The following PCDHA4 variants were observed in gnomAD, a reference collection of about 807,000 sequenced individuals.
PCDHA4 encodes protocadherin alpha 4.
A neutral mutation model predicts 61.4 loss-of-function variants in PCDHA4; 49 were observed. That is an observed-to-expected ratio of 0.80 (90% CI 0.63 to 1.01). The LOEUF (loss-of-function observed/expected upper bound fraction) is 1.01. Among genes scored for constraint, PCDHA4 ranks in the 50% least tolerant of loss-of-function variants. PCDHA4 has a pLI of 0.00. For missense variants in PCDHA4, 1,254 were observed against 1,235.8 expected (o/e 1.01, Z -0.22); for synonymous variants, 590 against 550.3 (o/e 1.07, Z -1.01).
rs202126810 is a variant in PCDHA4 at position 140,842,731 on chromosome 5, G to T, written c.2385+33159G>T. ...TGTTCGTGAAGGAGAACAACCCGCC[G>T]GGCTGCCACATCTTCACGGTGTCTG... On this transcript the variant is annotated intron_variant, in intron 1 of 3. Transcript: ENST00000530339. 3.1e-5 allele frequency: 49 copies of T among 1,594,938 alleles called. 4 individuals are homozygous for T. Among genetic ancestry groups the T allele is most frequent in the Non-Finnish European group, 4.1e-5 (48 of 1,165,464 alleles).
intron 1 of PCDHA4, chr5:140,822,957 C>G: frequency 1.2e-6 from 2 of 1,614,262 alleles, no homozygotes; most frequent in Non-Finnish European, 1.7e-6. Flanking sequence ...ACGTTCCCTT[C>G]AAGCTGGTGT....
intron 1 of PCDHA4, among the ~76,000 whole-genome samples, chr5:140,932,460 A>G (rs1275552236): frequency 6.6e-6 from 1 of 151,902 alleles, no homozygotes; most frequent in Non-Finnish European, 1.5e-5. Flanking sequence ...TTGCCAGGGT[A>G]TATAGGAAAT....
At chr5:140,915,362 A>C (rs2077085780) in intron 1 of PCDHA4, among the ~76,000 whole-genome samples, 2 of 152,274 alleles carry the variant, frequency 1.3e-5, no homozygotes, top group East Asian at 3.9e-4. Flanking sequence ...TATTCTTACC[A>C]GTAAGTGTCT....
intron 1 of PCDHA4, among the ~76,000 whole-genome samples, chr5:140,921,468 C>T (rs886501347): frequency 3.3e-5 from 5 of 152,182 alleles, no homozygotes; most frequent in African/African-American, 1.2e-4. Flanking sequence ...GCAACCACTA[C>T]CAAACCACTC....
At chr5:140,923,226 G>T (rs2081248805) in intron 1 of PCDHA4, among the ~76,000 whole-genome samples, 1 of 71,914 alleles carries the variant, frequency 1.4e-5, no homozygotes, top group Admixed American at 1.5e-4. Flanking sequence ...GATCGTTTGA[G>T]CCCAGAAGTT....
intron 1 of PCDHA4, among the ~76,000 whole-genome samples, chr5:140,898,404 A>G (rs1170692741): frequency 1.3e-5 from 2 of 152,242 alleles, no homozygotes; most frequent in Non-Finnish European, 2.9e-5. Flanking sequence ...AGCTTTCTAC[A>G]TACGGCTAGC....
chr5:140,838,331 C>G (rs1343104365), intron 1 of PCDHA4, among the ~76,000 whole-genome samples: 1 of 149,420 alleles, frequency 6.7e-6, no homozygotes, highest in Admixed American at 6.6e-5. Flanking sequence ...ACCATGTTGC[C>G]CCGGCTGGTC....
At chr5:141,008,159 G>A (rs1352277469) in intron 3 of PCDHA4, among the ~76,000 whole-genome samples, 1 of 152,138 alleles carries the variant, frequency 6.6e-6, no homozygotes, top group East Asian at 1.9e-4. Flanking sequence ...TTGATAAGAT[G>A]AGGACTAAAA....
At chr5:140,867,727 A>G (rs1554161460) in intron 1 of PCDHA4, 1 of 152,094 alleles carries the variant, frequency 6.6e-6, no homozygotes. Context: ...GAAAAGACAA[A>G]GAAAATTCAA....
At chr5:140,858,289 T>A in intron 1 of PCDHA4, 2 of 1,597,184 alleles carry the variant, frequency 1.3e-6, no homozygotes, top group East Asian at 4.5e-5. Context: ...GGAGCTGGTC[T>A]TACTCGCAGC....
At chr5:140,867,018 T>C (rs1445969805) in intron 1 of PCDHA4, 1 of 152,176 alleles carries the variant, frequency 6.6e-6, no homozygotes, top group Non-Finnish European at 1.5e-5. Context: ...TCATACACTA[T>C]ATCAAACTCT....
At chr5:140,850,300 G>T in intron 1 of PCDHA4, 2 of 1,596,680 alleles carry the variant, frequency 1.3e-6, no homozygotes, top group Non-Finnish European at 1.7e-6. Context: ...GCCGACTCGG[G>T]CTACAACGCG....
intron 1 of PCDHA4, among the ~76,000 whole-genome samples, chr5:140,840,978 T>C (rs1453461465): frequency 6.6e-6 from 1 of 152,022 alleles, no homozygotes; most frequent in African/African-American, 2.4e-5. Context: ...GAAGAAGAAA[T>C]CCCTAGCTGA....
rs2153691387 is a variant in PCDHA4, at chr5:140,951,014, G to C, written c.2386-27935G>C. Among the ~76,000 whole-genome samples the C allele has an allele frequency of 1.3e-5, 2 of 151,872 alleles. 1 individual carries two copies. Among genetic ancestry groups the C allele is most frequent in the Middle Eastern group, 6.8e-3 (2 of 294 alleles). On this transcript the variant is annotated intron_variant, in intron 1 of 3. Coordinates refer to ENST00000530339, the MANE Select transcript of PCDHA4 (RefSeq NM_018907.4). The stretch of plus-strand genomic sequence containing the variant: ...TTAGCTCCATTTTTCCCAAGATCAG[G>C]CAGTGAGTTTTAATTTCAAATATTA...
intron 1 of PCDHA4, among the ~76,000 whole-genome samples, chr5:140,920,418 G>C (rs1355987486): frequency 6.6e-6 from 1 of 151,868 alleles, no homozygotes; most frequent in Non-Finnish European, 1.5e-5. Flanking sequence ...AGATACAGCT[G>C]TTCTCCCACA....
intron 1 of PCDHA4, chr5:140,822,754 T>C (rs1767425023): frequency 1.2e-6 from 2 of 1,613,734 alleles, no homozygotes; most frequent in African/African-American, 2.7e-5. Flanking sequence ...TAAAAGTACA[T>C]TCCCATTATC....
intron 1 of PCDHA4, chr5:140,870,895 G>A (rs2052513329): frequency 6.2e-7 from 1 of 1,613,844 alleles, no homozygotes; most frequent in African/African-American, 1.3e-5. Flanking sequence ...CGCAGTGGAT[G>A]CGGACTCAGG....
At chr5:140,877,813 GAA>G in intron 1 of PCDHA4, 1 of 1,610,266 alleles carries the variant, frequency 6.2e-7, no homozygotes, top group Non-Finnish European at 8.5e-7. Flanking sequence ...GCTGTCTCGA[GAA>G]GATTGTTTAA....
chr5:140,829,603 G>T lies in PCDHA4; in HGVS notation c.2385+20031G>T, dbSNP rs2150171045. On this transcript the variant is annotated intron_variant, in intron 1 of 3. Transcript: ENST00000530339. ...AGCGGCGGGTGGGCGAGCGCGCGTT[G>T]TCGAGCTACATTTCGGTGCACGCGG... The T allele has an allele frequency of 1.9e-6, 3 of 1,612,072 alleles. No individual in the cohort carries two copies. In the South Asian group the frequency reaches 3.3e-5, roughly 18 times the overall value.
Sources: allele counts gnomAD v4.1 joint callset (sites outside exome capture counted in the v4.1 genomes callset), GRCh38; gene constraint gnomAD v4.1.1; transcripts MANE v1.5; gene names NCBI Gene and HGNC (gene_info 2026-07-23, HGNC 2026-07-21).